Variants in ACAT1 observed in about 807,000 individuals in gnomAD.
The protein encoded by ACAT1 is acetyl-CoA acetyltransferase, mitochondrial.
A neutral mutation model predicts 47.3 loss-of-function variants in ACAT1; 28 were observed. That is an observed-to-expected ratio of 0.59 (90% confidence interval 0.44 to 0.81). ACAT1 has a LOEUF of 0.81. Ranked by LOEUF, ACAT1 falls within the 30% of genes least tolerant of loss-of-function variation. The pLI is 0.00. For synonymous variants in ACAT1, 181 were observed against 173.6 expected, an observed-to-expected ratio of 1.04 and a Z score of -0.34; for missense variants, 469 against 524.3, an observed-to-expected ratio of 0.89 and a Z score of 1.03.
In ACAT1 at chr11:108,139,627, G is replaced by C. The variant is rs565800519; in HGVS notation, c.580-438G>C. 6.6e-5 allele frequency among the ~76,000 whole-genome samples: 10 copies of C among 152,094 alleles called. No individual in the cohort carries two copies. In the East Asian group the frequency reaches 1.7e-3, roughly 27 times the overall value. The stretch of plus-strand genomic sequence containing the variant: ...CATGAGTGAAAAGTGACCTGGTATA[G>C]AAAGAAATATATATGTGTGTGTGTA... On this transcript the variant is annotated intron_variant, in intron 6 of 11. Coordinates refer to ENST00000265838, the MANE Select transcript of ACAT1 (RefSeq NM_000019.4).
Position 108,122,049 on chromosome 11 carries a change from C to G in ACAT1, c.72+371C>G. 3 of 340,538 alleles carry G rather than the reference C, an allele frequency of 8.8e-6. No individual in the cohort carries two copies. The South Asian group carries it at 1.0e-4, about 11-fold the overall frequency. The allele number at this position is 340,538 out of a possible 1,614,324, so 21.1% of individuals were successfully genotyped here. ...CCTGTGCAGCTGCTCCCGAGATTTT[C>G]TTTAAAACATATTTGTGTGCGTTAT... is the stretch of plus-strand genomic sequence containing the variant. On this transcript the variant is annotated intron_variant, in intron 1 of 11. Coordinates refer to ENST00000265838, the MANE Select transcript of ACAT1 (RefSeq NM_000019.4).
chr11:108,123,898 G>A (rs1052341097), intron 1 of ACAT1, among the ~76,000 whole-genome samples: 1 of 151,972 alleles, frequency 6.6e-6, no homozygotes, highest in African/African-American at 2.4e-5. Context: ...TTTTGATCCA[G>A]TTTTATTCAG....
intron 1 of ACAT1, among the ~76,000 whole-genome samples, chr11:108,124,073 G>T (rs1412750859): frequency 6.6e-6 from 1 of 152,190 alleles, no homozygotes; most frequent in Non-Finnish European, 1.5e-5. Flanking sequence ...GAAGGCACCA[G>T]TGGAAGATTG....
Position 108,147,401 on chromosome 11 carries a change from C to CTAT in ACAT1, c.*13_*15dup. ...ATTCAGAAGCTGTAGACAACCTCTG[C>CTAT]TATTTAAGGAGACAACCCTATGTGA... On this transcript the variant is annotated 3_prime_UTR_variant, in exon 12 of 12. Coordinates refer to ENST00000265838, the MANE Select transcript of ACAT1 (RefSeq NM_000019.4). The CTAT allele has an allele frequency of 6.2e-7, 1 of 1,613,050 alleles. No homozygotes were observed. Among genetic ancestry groups the CTAT allele is most frequent in the African/African-American group, 1.3e-5 (1 of 74,972 alleles).
In ACAT1 at chr11:108,146,032, GCAAGACTGTTGGAAAA is replaced by G. The variant is rs2077700438; in HGVS notation, c.1006-169_1006-154del. 3.6e-5 allele frequency: 21 copies of G among 579,604 alleles called. No homozygotes were observed. In the South Asian group the frequency reaches 4.1e-4, roughly 11 times the overall value. 35.9% of individuals were successfully genotyped at this position (579,604 alleles called of 1,614,324 possible). ...ATTGCACTCCAGCCTGGGAGACAGA[GCAAGACTGTTGGAAAA>G]AAAAAAAATCTGAAAATAGAGATCC... On this transcript the variant is annotated intron_variant, in intron 10 of 11. Coordinates refer to ENST00000265838, the MANE Select transcript of ACAT1 (RefSeq NM_000019.4).
intron 5 of ACAT1, among the ~76,000 whole-genome samples, chr11:108,135,608 C>T (rs1423876348): frequency 6.6e-6 from 1 of 151,842 alleles, no homozygotes. Context: ...CCTATAATCC[C>T]AGCACTTTGG....
At chr11:108,137,890 T>C (rs1051439327) in intron 5 of ACAT1, among the ~76,000 whole-genome samples, 1 of 152,068 alleles carries the variant, frequency 6.6e-6, no homozygotes. Context: ...GAGATTGCAG[T>C]GAGCTGAGAT....
In ACAT1 at chr11:108,142,642, G is replaced by T. The variant is rs551837855; in HGVS notation, c.940+92G>T. The T allele has an allele frequency of 1.2e-5, 12 of 1,005,180 alleles. No individual in the cohort carries two copies. The South Asian group carries it at 1.6e-4, about 13-fold the overall frequency. 62.3% of individuals were successfully genotyped at this position (1,005,180 alleles called of 1,614,324 possible). On this transcript the variant is annotated intron_variant, in intron 9 of 11. Transcript: ENST00000265838. ...GCTTGAGCCCCGGAGTTCGAAATCA[G>T]CCTGGGCAATATAGTGAGACTTCGT...
chr11:108,133,582 C>T, intron 2 of ACAT1, among the ~76,000 whole-genome samples: 1 of 152,120 alleles, frequency 6.6e-6, no homozygotes, highest in South Asian at 2.1e-4. Context: ...CTTCTGTCCT[C>T]AAACCTCCTG....
At chr11:108,116,745 CAG>C (rs988811972), upstream of ACAT1, among the ~76,000 whole-genome samples, 19 of 152,214 alleles carry the variant, frequency 1.2e-4, no homozygotes, top group East Asian at 1.9e-4. Context: ...GGGGAGAAGA[CAG>C]GGGTTGGACT....
In ACAT1 at chr11:108,131,269, T is replaced by C. The variant is rs565369196; in HGVS notation, c.73-638T>C. Among the ~76,000 whole-genome samples, 3 of 151,902 alleles carry C rather than the reference T, an allele frequency of 2.0e-5. No individual in the cohort carries two copies. The South Asian group carries it at 6.2e-4, about 32-fold the overall frequency. On this transcript the variant is annotated intron_variant, in intron 1 of 11. Transcript: ENST00000265838. ...ACAATCTTAAAAAATGAAAATATCT[T>C]GTTAGATTCTAAGACTAAATAATTT...
In ACAT1 at chr11:108,139,163, G is replaced by A. The variant is rs1157221686; in HGVS notation, c.579+122G>A. 2.3e-6 allele frequency: 3 copies of A among 1,324,794 alleles called. No individual in the cohort carries two copies. In the Admixed American group the frequency reaches 5.5e-5, roughly 24 times the overall value. 82.1% of individuals were successfully genotyped at this position (1,324,794 alleles called of 1,614,324 possible). ...CTCTATAAATGTTGATTTTAGCCGT[G>A]TACTTTTGGAGAATATTTTTGTATG... On this transcript the variant is annotated intron_variant, in intron 6 of 11. Transcript: ENST00000265838.
At chr11:108,133,968 G>A in intron 3 of ACAT1, 31 bp downstream of exon 3, 2 of 1,558,884 alleles carry the variant, frequency 1.3e-6, no homozygotes, top group Non-Finnish European at 1.8e-6. Context: ...TTGTGTTAAG[G>A]GAGCAAAAAG....
chr11:108,144,218 CA>C (rs113949535), intron 10 of ACAT1, 171 bp downstream of exon 10: 49,090 of 451,932 alleles, frequency 0.11, 3 homozygotes, highest in Non-Finnish European at 0.12. Flanking sequence ...GGATAACAAA[CA>C]AAAAAAAAAA....
intron 10 of ACAT1, chr11:108,144,334 C>T (rs972251309): frequency 2.4e-6 from 1 of 422,368 alleles, no homozygotes; most frequent in Non-Finnish European, 4.3e-6. Context: ...GTGTGGTAAC[C>T]ACAAAGCGGA....
At chr11:108,117,201 A>G (rs1864967234), upstream of ACAT1, among the ~76,000 whole-genome samples, 1 of 151,916 alleles carries the variant, frequency 6.6e-6, no homozygotes, top group Non-Finnish European at 1.5e-5. Flanking sequence ...AGTCTTAGCT[A>G]CTTGGAAGGC....
At chr11:108,141,369 CAAAAAA>C (rs60002941) in intron 7 of ACAT1, among the ~76,000 whole-genome samples, 69 of 69,326 alleles carry the variant, frequency 1.0e-3, no homozygotes, top group Non-Finnish European at 7.9e-4. Context: ...AACCCTGCCT[CAAAAAA>C]AAAAAAAAAA....
At position 108,121,695 on chromosome 11, in the gene ACAT1, C is replaced by T. The variant is rs1487406491; in HGVS notation, c.72+17C>T. On this transcript the variant is annotated intron_variant, in intron 1 of 11. Transcript: ENST00000265838. The stretch of plus-strand genomic sequence containing the variant: ...CTGGTGCAGGTGAGCGGGGTTCGTC[C>T]CCACAGCACTCAGACCCGGGATGCG... The T allele has an allele frequency of 9.7e-6, 15 of 1,547,144 alleles. No homozygotes were observed. Among genetic ancestry groups the T allele is most frequent in the Non-Finnish European group, 1.3e-5 (15 of 1,146,450 alleles).
At chr11:108,117,668 A>G (rs1440233934), upstream of ACAT1, among the ~76,000 whole-genome samples, 2 of 152,166 alleles carry the variant, frequency 1.3e-5, no homozygotes, top group South Asian at 2.1e-4. Context: ...ACGTAGTACA[A>G]CGAGTTATTC....
Sources: gnomAD v4.1 joint callset for allele counts (sites outside exome capture counted in the v4.1 genomes callset) on GRCh38, gnomAD v4.1.1 for gene constraint, MANE v1.5 for transcripts, NCBI Gene and HGNC (gene_info 2026-07-23, HGNC 2026-07-21) for gene names.